MYRIP: variants seen among roughly 807,000 people sequenced by gnomAD.
MYRIP encodes myosin VIIA and Rab interacting protein.
In MYRIP, 49 loss-of-function variants were observed where a neutral mutation model predicts 98.0. That is an observed-to-expected ratio of 0.50 (90% confidence interval 0.40 to 0.63). MYRIP has a LOEUF of 0.63. Ranked by LOEUF, MYRIP falls within the 30% of genes least tolerant of loss-of-function variation. MYRIP has a pLI of 0.00. For missense variants in MYRIP, 1,004 were observed against 1,058.2 expected (o/e 0.95, Z 0.71); for synonymous variants, 404 against 409.5 (o/e 0.99, Z 0.16).
chr3:40,201,014 T>C (rs1951544659), intron 10 of MYRIP, among the ~76,000 whole-genome samples: 1 of 152,244 alleles, frequency 6.6e-6, no homozygotes, highest in South Asian at 2.1e-4. Context: ...AGAACAGTTG[T>C]GGCCAGTATG....
At chr3:39,956,577 G>A (rs565567918) in intron 2 of MYRIP, among the ~76,000 whole-genome samples, 4 of 152,126 alleles carry the variant, frequency 2.6e-5, no homozygotes, top group Non-Finnish European at 5.9e-5. Flanking sequence ...GAGAAAGCAG[G>A]AAAGATCTAA....
At chr3:39,941,092 G>A (rs1170338304) in intron 2 of MYRIP, among the ~76,000 whole-genome samples, 1 of 152,088 alleles carries the variant, frequency 6.6e-6, no homozygotes, top group Non-Finnish European at 1.5e-5. Flanking sequence ...GTATGTGAGG[G>A]AGTGTACAAG....
intron 2 of MYRIP, among the ~76,000 whole-genome samples, chr3:39,962,915 T>G (rs1307166412): frequency 2.0e-5 from 3 of 152,154 alleles, no homozygotes; most frequent in Admixed American, 6.6e-5. Flanking sequence ...TATAGATGAT[T>G]GATTTTTTCA....
intron 2 of MYRIP, among the ~76,000 whole-genome samples, chr3:39,927,442 G>A (rs1483992716): frequency 6.6e-6 from 1 of 151,782 alleles, no homozygotes; most frequent in African/African-American, 2.4e-5. Flanking sequence ...TTTCTCTTCA[G>A]TTGATGTTGG....
At chr3:40,016,972 T>C (rs996687762) in intron 2 of MYRIP, among the ~76,000 whole-genome samples, 4 of 152,200 alleles carry the variant, frequency 2.6e-5, no homozygotes, top group African/African-American at 9.7e-5. Context: ...CACACTCTAA[T>C]GGGTTCTTGA....
chr3:40,199,757 C>G (rs1234210862), intron 10 of MYRIP, among the ~76,000 whole-genome samples: 3 of 152,164 alleles, frequency 2.0e-5, no homozygotes, highest in African/African-American at 7.2e-5. Context: ...TAAATGAAAT[C>G]TAAAGGGAAG....
Position 39,940,959 on chromosome 3 carries a change from C to T in MYRIP, c.110+40033C>T, listed in dbSNP as rs564391754. ...TTCAGCATTTTATTACCAGTTACTA[C>T]TTTTAATGGATATTTATTGAGCCCC... On this transcript the variant is annotated intron_variant, in intron 2 of 16. Coordinates refer to ENST00000302541, the MANE Select transcript of MYRIP (RefSeq NM_015460.4). Among the ~76,000 whole-genome samples, 6 of 152,228 alleles carry T rather than the reference C, an allele frequency of 3.9e-5. 1 individual carries two copies. In the South Asian group the frequency reaches 1.2e-3, roughly 32 times the overall value.
chr3:40,197,930 A>G (rs997234165), intron 10 of MYRIP, among the ~76,000 whole-genome samples: 3 of 152,166 alleles, frequency 2.0e-5, no homozygotes, highest in African/African-American at 7.2e-5. Context: ...CTAGCTTAAG[A>G]TAGGGGATTT....
intron 8 of MYRIP, among the ~76,000 whole-genome samples, chr3:40,175,896 C>A (rs11719904): frequency 6.6e-6 from 1 of 152,206 alleles, no homozygotes; most frequent in Non-Finnish European, 1.5e-5. Context: ...TCTGGGAACC[C>A]CCATTCATAT....
At chr3:40,109,097 C>T (rs1292399256) in intron 3 of MYRIP, among the ~76,000 whole-genome samples, 2 of 152,194 alleles carry the variant, frequency 1.3e-5, no homozygotes, top group Non-Finnish European at 2.9e-5. Flanking sequence ...AAGGTTATTA[C>T]CCACTTTTAC....
At chr3:40,102,404 T>C (rs1374327272) in intron 3 of MYRIP, among the ~76,000 whole-genome samples, 1 of 152,204 alleles carries the variant, frequency 6.6e-6, no homozygotes, top group African/African-American at 2.4e-5. Flanking sequence ...ATTTAGCTTC[T>C]CCAGGGTGTT....
intron 3 of MYRIP, among the ~76,000 whole-genome samples, chr3:40,077,038 C>T (rs1000437962): frequency 1.3e-5 from 2 of 152,122 alleles, no homozygotes; most frequent in Non-Finnish European, 2.9e-5. Flanking sequence ...TGGACCCTTG[C>T]GGTGAGTGTT....
At chr3:39,861,126 G>A (rs529492256) in intron 1 of MYRIP, among the ~76,000 whole-genome samples, 21 of 152,348 alleles carry the variant, frequency 1.4e-4, no homozygotes, top group African/African-American at 3.8e-4. Flanking sequence ...ACATGTTGGC[G>A]TCTTCAGTGC....
chr3:40,253,782 G>A (rs1008585138), intron 16 of MYRIP, among the ~76,000 whole-genome samples: 4 of 152,144 alleles, frequency 2.6e-5, no homozygotes, highest in Non-Finnish European at 5.9e-5. Flanking sequence ...GTAGGGACGG[G>A]GGTTCTACAA....
chr3:39,912,875 A>G (rs1373174379), intron 2 of MYRIP, among the ~76,000 whole-genome samples: 1 of 152,180 alleles, frequency 6.6e-6, no homozygotes, highest in Non-Finnish European at 1.5e-5. Context: ...CCCTGTCTCT[A>G]CTAAAAATAC....
intron 3 of MYRIP, among the ~76,000 whole-genome samples, chr3:40,096,702 T>C (rs1948840916): frequency 6.6e-6 from 1 of 152,078 alleles, no homozygotes; most frequent in South Asian, 2.1e-4. Context: ...GCAAGTAGGG[T>C]CTAGCCTGGC....
At chr3:39,830,920 GC>G (rs1941426501) in intron 1 of MYRIP, among the ~76,000 whole-genome samples, 1 of 152,082 alleles carries the variant, frequency 6.6e-6, no homozygotes. Context: ...CCTGCAGATT[GC>G]CAGCCCAGTT....
rs200405259 is a variant in MYRIP at position 40,162,726 on chromosome 3, C to A, written c.470-4C>A. 10 of 1,613,512 alleles carry A rather than the reference C, an allele frequency of 6.2e-6. No individual in the cohort carries two copies. Among genetic ancestry groups the A allele is most frequent in the East Asian group, 2.2e-5 (1 of 44,892 alleles). On this transcript the variant is annotated splice_polypyrimidine_tract_variant and splice_region_variant and intron_variant, in intron 4 of 16. Transcript: ENST00000302541. ...ATTCTCTTCTCCCACCCCTACCCTG[C>A]CAGGAGGAAGCCTTTTTGAGTCAAA...
chr3:40,065,336 C>T (rs1378744864), intron 3 of MYRIP, among the ~76,000 whole-genome samples: 1 of 152,170 alleles, frequency 6.6e-6, no homozygotes, highest in Non-Finnish European at 1.5e-5. Context: ...AGTGCATCTT[C>T]AATGACCCTA....
Sources: gnomAD v4.1 joint callset for allele counts (sites outside exome capture counted in the v4.1 genomes callset) on GRCh38, gnomAD v4.1.1 for gene constraint, MANE v1.5 for transcripts, NCBI Gene and HGNC (gene_info 2026-07-23, HGNC 2026-07-21) for gene names.